SEMA3A: variants seen among roughly 807,000 people sequenced by gnomAD.
SEMA3A encodes semaphorin 3A, also known as semaphorin-3A.
Under a neutral mutation model 97.9 loss-of-function variants are expected in SEMA3A, and 29 were observed. The ratio of observed to expected loss-of-function variants is 0.30; its 90% CI spans 0.22 to 0.40. The LOEUF is 0.40. SEMA3A is among the 10% of genes least tolerant of loss of function. The pLI, the probability that SEMA3A is intolerant of heterozygous loss-of-function variation, is 1.00. For missense variants in SEMA3A, 763 were observed against 951.3 expected, an observed-to-expected ratio of 0.80 and a Z score of 2.60; for synonymous variants, 321 against 323.7, an observed-to-expected ratio of 0.99 and a Z score of 0.09.
Position 83,989,412 on chromosome 7 carries a change from A to T in SEMA3A, c.1453-3935T>A, listed in dbSNP as rs201316550. Among the ~76,000 whole-genome samples, 4 of 149,618 alleles carry T rather than the reference A, an allele frequency of 2.7e-5. No homozygotes were observed. The East Asian group carries it at 6.0e-4, about 23-fold the overall frequency. ...TACATGTGCCATGCTGGTGCACTGC[A>T]CCCACTAACTCGTCATCTAGCATTA... On this transcript the variant is annotated intron_variant, in intron 12 of 16. Coordinates refer to ENST00000265362, the MANE Select transcript of SEMA3A (RefSeq NM_006080.3).
chr7:84,242,764 T>C (rs1316706829), intron 3 of SEMA3A, among the ~76,000 whole-genome samples: 1 of 152,178 alleles, frequency 6.6e-6, no homozygotes, highest in Admixed American at 6.5e-5. Flanking sequence ...TGATATGGGC[T>C]GTGGGTTTGT....
chr7:84,154,617 A>T (rs1276570798), intron 1 of SEMA3A, among the ~76,000 whole-genome samples: 1 of 150,326 alleles, frequency 6.7e-6, no homozygotes, highest in African/African-American at 2.4e-5. Context: ...TGGAGGTTGC[A>T]GTGAGCCAAG....
chr7:84,216,216 C>T (rs901659409), intron 3 of SEMA3A, among the ~76,000 whole-genome samples: 4 of 152,158 alleles, frequency 2.6e-5, no homozygotes, highest in South Asian at 2.1e-4. Flanking sequence ...AAGCGATTCT[C>T]CTGCCTCAGC....
At chr7:84,022,882 C>G (rs1188949515) in intron 6 of SEMA3A, among the ~76,000 whole-genome samples, 2 of 152,220 alleles carry the variant, frequency 1.3e-5, no homozygotes, top group Non-Finnish European at 2.9e-5. Context: ...ATAGTGGAAG[C>G]TGAACAAACA....
intron 1 of SEMA3A, among the ~76,000 whole-genome samples, chr7:84,155,350 TGTC>T (rs1254205879): frequency 2.6e-5 from 4 of 152,142 alleles, no homozygotes; most frequent in Admixed American, 1.3e-4. Flanking sequence ...CTGGGAGAGT[TGTC>T]GTCTATTTTA....
chr7:84,069,504 C>T (rs1332659608), intron 4 of SEMA3A, among the ~76,000 whole-genome samples: 1 of 151,912 alleles, frequency 6.6e-6, no homozygotes, highest in Non-Finnish European at 1.5e-5. Context: ...TTTTATCAGG[C>T]AAAATTATAA....
rs572822597 is a variant in SEMA3A, at chr7:84,330,195, C to T, written c.-168-22903G>A. Among the ~76,000 whole-genome samples the T allele has an allele frequency of 9.2e-5, 14 of 152,006 alleles. 1 individual carries two copies. Among genetic ancestry groups the T allele is most frequent in the Middle Eastern group, 3.4e-3 (1 of 294 alleles). On this transcript the variant is annotated intron_variant, in intron 2 of 3. Coordinates refer to the SEMA3A transcript ENST00000424555. ...TATATTATATCCTGGATATATGTCT[C>T]GTTGCTCATTTTAACCTATATAACA...
In SEMA3A at chr7:84,387,295, A is replaced by G. The variant is rs73191084; in HGVS notation, c.-245-15395T>C. 1.7e-3 allele frequency among the ~76,000 whole-genome samples: 254 copies of G among 152,228 alleles called. 2 individuals carry two copies. The highest frequency in any genetic ancestry group is 5.6e-3 in the African/African-American group (233 of 41,552). Reference sequence around the variant, plus strand: ...ACTGCAATAAATAAATAAATAAATAAATAGATAGATAATAAAGCCACACTT... The same window carrying G: ...ACTGCAATAAATAAATAAATAAATAGATAGATAGATAATAAAGCCACACTT... On this transcript the variant is annotated intron_variant, in intron 1 of 3. Coordinates refer to the SEMA3A transcript ENST00000424555.
intron 3 of SEMA3A, among the ~76,000 whole-genome samples, chr7:84,204,209 A>C (rs73181303): frequency 6.6e-6 from 1 of 152,298 alleles, no homozygotes; most frequent in Non-Finnish European, 1.5e-5. Context: ...TGAAACTCTC[A>C]AGAAATAAAG....
At chr7:84,242,585 T>G (rs2116382393) in intron 3 of SEMA3A, among the ~76,000 whole-genome samples, 1 of 152,264 alleles carries the variant, frequency 6.6e-6, no homozygotes, top group South Asian at 2.1e-4. Flanking sequence ...ACAATTTGAC[T>G]TCCTCTCTTC....
intron 6 of SEMA3A, among the ~76,000 whole-genome samples, chr7:84,037,752 T>G (rs978189495): frequency 6.6e-6 from 1 of 152,032 alleles, no homozygotes; most frequent in Admixed American, 6.5e-5. Flanking sequence ...AACTCTATTT[T>G]TGAATAGATT....
At chr7:84,306,907 A>T (rs1193381753) in intron 3 of SEMA3A, among the ~76,000 whole-genome samples, 1 of 152,058 alleles carries the variant, frequency 6.6e-6, no homozygotes, top group Non-Finnish European at 1.5e-5. Context: ...GCTCCTGGGG[A>T]ACCTCACAAA....
At chr7:84,372,263 G>A (rs745903054) in intron 1 of SEMA3A, 1 of 151,960 alleles carries the variant, frequency 6.6e-6, no homozygotes, top group African/African-American at 2.4e-5. Context: ...GGACATTTCC[G>A]GCTATCTTCT....
At chr7:84,313,400 ATATAT>A (rs1801411083) in intron 2 of SEMA3A, among the ~76,000 whole-genome samples, 39 of 122,030 alleles carry the variant, frequency 3.2e-4, no homozygotes, top group Admixed American at 1.2e-3. Context: ...ATATATATAT[ATATAT>A]AAACTATACG....
Position 84,099,199 on chromosome 7 carries a change from TAGCTGGGAC to T in SEMA3A, c.453+11262_453+11270del, listed in dbSNP as rs1327001113. Among the ~76,000 whole-genome samples the T allele has an allele frequency of 4.6e-5, 5 of 108,954 alleles. 2 individuals carry two copies. Among genetic ancestry groups the T allele is most frequent in the Non-Finnish European group, 1.1e-4 (5 of 45,750 alleles). 71.5% of individuals were successfully genotyped at this position (108,954 alleles called of 152,430 possible). On this transcript the variant is annotated intron_variant, in intron 4 of 16. Transcript: ENST00000265362. ...CATTCTCCTGCCTCAGCCTCCCGAG[TAGCTGGGAC>T]TACAGGCGCCCGCTACCACGCCCGG...
intron 1 of SEMA3A, among the ~76,000 whole-genome samples, chr7:84,471,499 AC>A (rs1238007107): frequency 2.0e-5 from 3 of 152,114 alleles, no homozygotes; most frequent in African/African-American, 7.2e-5. Flanking sequence ...CTATGGCATA[AC>A]TAAACACGTC....
chr7:84,202,271 A>G (rs186505730), intron 3 of SEMA3A, among the ~76,000 whole-genome samples: 2 of 152,292 alleles, frequency 1.3e-5, no homozygotes, highest in African/African-American at 4.8e-5. Context: ...TGCATATGCT[A>G]ATTAGCTAGA....
intron 4 of SEMA3A, among the ~76,000 whole-genome samples, chr7:84,095,410 G>C (rs1794745202): frequency 8.4e-6 from 1 of 119,112 alleles, no homozygotes. Flanking sequence ...ACATTTGTAG[G>C]AAACTCCCTT....
intron 1 of SEMA3A, among the ~76,000 whole-genome samples, chr7:84,459,189 A>G (rs1002092045): frequency 6.6e-6 from 1 of 152,164 alleles, no homozygotes; most frequent in African/African-American, 2.4e-5. Flanking sequence ...TGGTATTAGG[A>G]AAAAAAGCCC....
Sources: gnomAD v4.1 joint callset for allele counts (sites outside exome capture counted in the v4.1 genomes callset) on GRCh38, gnomAD v4.1.1 for gene constraint, MANE v1.5 for transcripts, NCBI Gene and HGNC (gene_info 2026-07-23, HGNC 2026-07-21) for gene names.